Variants in EIF5B observed in about 807,000 individuals in gnomAD.
EIF5B encodes eukaryotic translation initiation factor 5B, also known as eIF-5B.
EIF5B carries 47 observed loss-of-function variants against 147.5 expected under a neutral mutation model. The observed-to-expected ratio is 0.32, with a 90% CI of 0.25 to 0.41. EIF5B has a LOEUF of 0.41. EIF5B is among the 10% of genes least tolerant of loss of function. The pLI, the probability that EIF5B is intolerant of heterozygous loss-of-function variation, is 1.00. For missense variants in EIF5B, 1,064 were observed against 1,413.2 expected (o/e 0.75, Z 3.96); for synonymous variants, 455 against 456.2 (o/e 1.00, Z 0.03).
intron 23 of EIF5B, 131 bp from the exon 24 acceptor site, chr2:99,399,176 A>T: frequency 1.1e-6 from 1 of 896,442 alleles, no homozygotes; most frequent in Non-Finnish European, 1.7e-6. Context: ...CTACTCCCTT[A>T]GGCAGGCAAG....
rs779190005 is a variant in EIF5B, at chr2:99,399,553, A to C, written c.*139A>C. 33 of 729,762 alleles carry C rather than the reference A, an allele frequency of 4.5e-5. No individual in the cohort carries two copies. Among genetic ancestry groups the C allele is most frequent in the Non-Finnish European group, 6.4e-5 (29 of 450,474 alleles). The allele number at this position is 729,762 out of a possible 1,614,324, so 45.2% of individuals were successfully genotyped here. A position where few individuals can be genotyped will look rare whatever the true frequency, so the allele number is the denominator to read the frequency against. On this transcript the variant is annotated 3_prime_UTR_variant, in exon 24 of 24. Coordinates refer to ENST00000289371, the MANE Select transcript of EIF5B (RefSeq NM_015904.4). The stretch of plus-strand genomic sequence containing the variant: ...GGAAGGAAGAAAAATAGGTGTATAA[A>C]ATGTTTTCCATGAGAAACCAAGAAA...
intron 1 of EIF5B, among the ~76,000 whole-genome samples, chr2:99,348,361 GA>G (rs967756963): frequency 6.6e-6 from 1 of 152,206 alleles, no homozygotes; most frequent in African/African-American, 2.4e-5. Flanking sequence ...AGAGAGTTGA[GA>G]GTGAAAACTG....
At chr2:99,353,103 C>T (rs182659815) in intron 1 of EIF5B, among the ~76,000 whole-genome samples, 1 of 145,976 alleles carries the variant, frequency 6.9e-6, no homozygotes, top group African/African-American at 2.5e-5. Flanking sequence ...CATCCTCCAC[C>T]TCCTGGGTTC....
Position 99,354,207 on chromosome 2 carries a change from A to G in EIF5B, c.36-6029A>G, listed in dbSNP as rs559136757. Among the ~76,000 whole-genome samples the G allele has an allele frequency of 3.9e-5, 6 of 152,278 alleles. No individual in the cohort carries two copies. In the East Asian group the frequency reaches 7.7e-4, roughly 20 times the overall value. On this transcript the variant is annotated intron_variant, in intron 1 of 23. Transcript: ENST00000289371. ...CTTACCAGTATTGGTTATTATCACT[A>G]TTATGGGGGAGGAGGGCATTCTCAT...
At position 99,398,818 on chromosome 2, in the gene EIF5B, A is replaced by G; in HGVS notation, c.3464A>G (p.Gln1155Arg). 11 of 1,614,198 alleles carry G rather than the reference A, an allele frequency of 6.8e-6. No individual in the cohort carries two copies. Among genetic ancestry groups the G allele is most frequent in the Non-Finnish European group, 9.3e-6 (11 of 1,180,022 alleles). ...HKQVDVAKKGQEVCVKIEPIP... is the reference protein window; with the variant it reads ...HKQVDVAKKGREVCVKIEPIP... ...CAAGTGGATGTTGCAAAAAAAGGAC[A>G]AGAAGTTTGTGTAAAAATAGAACCT... The change falls in exon 23 of 24, where the codon CAA becomes CGA. Residue 1155 changes from glutamine to arginine, a missense_variant. Transcript: ENST00000289371.
At chr2:99,375,155 T>C (rs990218863) in intron 9 of EIF5B, among the ~76,000 whole-genome samples, 2 of 152,280 alleles carry the variant, frequency 1.3e-5, no homozygotes, top group Non-Finnish European at 1.5e-5. Context: ...AATTTTGATT[T>C]TATGACTTTA....
At chr2:99,378,873 T>G (rs182782264) in intron 10 of EIF5B, 146 bp from the exon 11 acceptor site, 118 of 592,912 alleles carry the variant, frequency 2.0e-4, no homozygotes, top group African/African-American at 1.9e-3. Context: ...AAGTTCACAT[T>G]ATAAATTCCA....
chr2:99,349,844 T>TATA (rs1310893845), intron 1 of EIF5B, among the ~76,000 whole-genome samples: 1 of 152,200 alleles, frequency 6.6e-6, no homozygotes, highest in Non-Finnish European at 1.5e-5. Context: ...CTGTTTGAAG[T>TATA]ATAATACATT....
chr2:99,362,136 G>A (rs1215058764), intron 4 of EIF5B, among the ~76,000 whole-genome samples: 1 of 152,054 alleles, frequency 6.6e-6, no homozygotes, highest in Non-Finnish European at 1.5e-5. Flanking sequence ...CTTCCTTTCT[G>A]ATAACTCAGT....
chr2:99,364,157 C>CGT, intron 5 of EIF5B, 114 bp from the exon 6 acceptor site: 1 of 1,373,630 alleles, frequency 7.3e-7, no homozygotes, highest in Non-Finnish European at 9.8e-7. Context: ...AATCTCCTAA[C>CGT]ATAATACTTT....
chr2:99,348,091 G>C (rs1180916861), intron 1 of EIF5B, among the ~76,000 whole-genome samples: 14 of 152,016 alleles, frequency 9.2e-5, no homozygotes, highest in African/African-American at 2.9e-4. Context: ...TGTGTATCGG[G>C]GGCGTCTACA....
intron 1 of EIF5B, among the ~76,000 whole-genome samples, chr2:99,358,344 G>A (rs572390330): frequency 6.6e-6 from 1 of 152,270 alleles, no homozygotes; most frequent in African/African-American, 2.4e-5. Flanking sequence ...TGGGATTACA[G>A]GTGTGAGACA....
chr2:99,382,043 T>A (rs1674700455), intron 12 of EIF5B, 116 bp from the exon 13 acceptor site: 1 of 742,492 alleles, frequency 1.3e-6, no homozygotes, highest in Admixed American at 2.6e-5. Context: ...CTAAAGCCAT[T>A]TATATGGAAA....
chr2:99,338,416 A>G (rs537903204), intron 1 of EIF5B: 4 of 1,097,720 alleles, frequency 3.6e-6, no homozygotes, highest in Admixed American at 4.6e-5. Flanking sequence ...CATCTGTTAC[A>G]TTACACGTTC....
At chr2:99,374,015 A>T (rs1422019981) in intron 9 of EIF5B, among the ~76,000 whole-genome samples, 1 of 152,136 alleles carries the variant, frequency 6.6e-6, no homozygotes, top group Non-Finnish European at 1.5e-5. Flanking sequence ...TCGGCCAGGC[A>T]TGGCGGCTCA....
At chr2:99,366,376 G>A (rs1016426912) in intron 6 of EIF5B, among the ~76,000 whole-genome samples, 10 of 152,150 alleles carry the variant, frequency 6.6e-5, no homozygotes, top group African/African-American at 2.4e-4. Context: ...GTAGGTGTAG[G>A]CTGCTAGGCA....
chr2:99,386,824 C>T (rs1025362249), intron 14 of EIF5B, among the ~76,000 whole-genome samples: 20 of 152,062 alleles, frequency 1.3e-4, no homozygotes, highest in Non-Finnish European at 2.6e-4. Context: ...GGATTACAGG[C>T]GTGAGCCACC....
At chr2:99,383,062 G>A in intron 14 of EIF5B, 141 bp downstream of exon 14, 1 of 893,116 alleles carries the variant, frequency 1.1e-6, no homozygotes, top group Non-Finnish European at 1.5e-6. Flanking sequence ...TATTGTGTGT[G>A]TGTGTGTATT....
rs1368154279 is a variant in EIF5B, at chr2:99,371,653, C to T, written c.1478-3C>T. On this transcript the variant is annotated splice_polypyrimidine_tract_variant and splice_region_variant and intron_variant, in intron 8 of 23. Transcript: ENST00000289371. ...TGTCTTAAATGCAAATTTTTACTTA[C>T]AGAAGAAGAAGAAGATACTGAGGAT... is the stretch of plus-strand genomic sequence containing the variant. The T allele has an allele frequency of 1.2e-6, 2 of 1,607,066 alleles. No individual in the cohort carries two copies. Among genetic ancestry groups the T allele is most frequent in the Non-Finnish European group, 1.7e-6 (2 of 1,177,180 alleles).
Sources: gnomAD v4.1 joint callset for allele counts (sites outside exome capture counted in the v4.1 genomes callset) on GRCh38, gnomAD v4.1.1 for gene constraint, MANE v1.5 for transcripts, NCBI Gene and HGNC (gene_info 2026-07-23, HGNC 2026-07-21) for gene names.